TTLL4: variants seen among roughly 807,000 people sequenced by gnomAD.
TTLL4 encodes tubulin tyrosine ligase like 4.
TTLL4 carries 85 observed loss-of-function variants against 122.7 expected under a neutral mutation model. That is an observed-to-expected ratio of 0.69 (90% CI 0.58 to 0.83). The LOEUF is 0.83. Among genes scored for constraint, TTLL4 ranks in the 40% least tolerant of loss-of-function variants. The pLI is 0.00. For synonymous variants in TTLL4, 553 were observed against 563.0 expected, an observed-to-expected ratio of 0.98 and a Z score of 0.25; for missense variants, 1,363 against 1,488.6, an observed-to-expected ratio of 0.92 and a Z score of 1.39.
At position 218,752,800 on chromosome 2, in the gene TTLL4, A is replaced by G. The variant is rs116116034; in HGVS notation, c.3014A>G (p.Asp1005Gly). 7,644 of 1,614,092 alleles carry G rather than the reference A, an allele frequency of 4.7e-3. 45 individuals carry two copies. The highest frequency in any genetic ancestry group is 4.8e-3 in the Non-Finnish European group (5,659 of 1,180,024). Residue 1005 changes from aspartate to glycine, a missense_variant, in exon 17 of 20, where the codon GAT becomes GGT. By Grantham distance (94) the Asp-to-Gly change is moderately conservative. This residue lies in a region of TTLL4 where 596 missense variants were observed against 655.8 expected (regional missense o/e 0.91). Transcript: ENST00000392102. ...TCTGTGCTGGATGTCCTGACACCAG[A>G]TGATGTTCGGATTCTGGTTGAGATG... ...YASVLDVLTPDDVRILVEMED... is the reference protein window; with the variant it reads ...YASVLDVLTPGDVRILVEMED...
intron 4 of TTLL4, 74 bp from the exon 5 acceptor site, chr2:218,740,447 A>G: frequency 6.7e-7 from 1 of 1,483,264 alleles, no homozygotes; most frequent in Non-Finnish European, 9.4e-7. Flanking sequence ...TATTCAAGGA[A>G]GAGTTGCCTA....
In TTLL4 at chr2:218,754,333, T is replaced by C; in HGVS notation, c.3544T>C (p.Ser1182Pro). 6.2e-7 allele frequency: 1 copy of C among 1,614,178 alleles called. No individual in the cohort carries two copies. Among genetic ancestry groups the C allele is most frequent in the African/African-American group, 1.3e-5 (1 of 75,024 alleles). ...GTGCTCTGGGCAGACTTCAAGACTT[T>C]CTGCTTCCTCCACTTTCCAGTCAAT... Reference protein sequence around the residue: ...IKCSGQTSRLSASSTFQSISD... With the variant: ...IKCSGQTSRLPASSTFQSISD... The change falls in exon 20 of 20, where the codon TCT becomes CCT. Residue 1182 changes from serine to proline, a missense_variant. By Grantham distance (74) the Ser-to-Pro change is moderately conservative. Transcript: ENST00000392102.
chr2:218,723,292 T>C (rs1942097412), intron 1 of TTLL4, among the ~76,000 whole-genome samples: 2 of 152,236 alleles, frequency 1.3e-5, no homozygotes, highest in Non-Finnish European at 2.9e-5. Flanking sequence ...AGCTGGGTGC[T>C]GACAGCAACT....
intron 16 of TTLL4, 44 bp downstream of exon 16, chr2:218,751,850 T>C: frequency 1.3e-6 from 2 of 1,489,812 alleles, no homozygotes; most frequent in Middle Eastern, 1.8e-4. Context: ...AAAACTTCCC[T>C]GGTCAAACAT....
rs572723561 is a variant in TTLL4, at chr2:218,738,444, G to C, written c.768G>C (p.Gly256=). ...KIQPVSWHHS[G]GTGDCAPQPV... is the part of the protein sequence containing the mutation. ...AGCCTGTCTCCTGGCATCATTCAGGGGGTACTGGAGACTGTGCACCGCAGC... is the reference window on the plus strand; with the variant it reads ...AGCCTGTCTCCTGGCATCATTCAGGCGGTACTGGAGACTGTGCACCGCAGC... Residue 256 remains glycine, a synonymous_variant, in exon 3 of 20, where the codon GGG becomes GGC. Coordinates refer to ENST00000392102, the MANE Select transcript of TTLL4 (RefSeq NM_014640.5). 6.2e-7 allele frequency: 1 copy of C among 1,614,070 alleles called. No individual in the cohort carries two copies. The highest frequency in any genetic ancestry group is 1.3e-5 in the African/African-American group (1 of 74,924).
chr2:218,711,840 A>G (rs1941715520), intron 1 of TTLL4, among the ~76,000 whole-genome samples: 1 of 100,058 alleles, frequency 1.0e-5, no homozygotes, highest in Non-Finnish European at 2.6e-5. Flanking sequence ...TCCTTCCTTG[A>G]TGAAATCTTC....
chr2:218,725,190 G>A (rs1017833077), intron 1 of TTLL4, among the ~76,000 whole-genome samples: 4 of 151,720 alleles, frequency 2.6e-5, no homozygotes, highest in Non-Finnish European at 4.4e-5. Context: ...GAGCCACTGC[G>A]CCCACCCTAG....
In TTLL4 at chr2:218,722,602, A is replaced by T. The variant is rs923298730; in HGVS notation, c.-177-4667A>T. On this transcript the variant is annotated intron_variant, in intron 1 of 19. Transcript: ENST00000392102. ...AGATCCAGAGGTGGGAACGTTCCTC[A>T]TGAGAGGAAGAGTGGCTCTGGATAA... is the stretch of plus-strand genomic sequence containing the variant. 1.2e-4 allele frequency among the ~76,000 whole-genome samples: 18 copies of T among 152,350 alleles called. 1 individual carries two copies. The highest frequency in any genetic ancestry group is 4.3e-4 in the African/African-American group (18 of 41,578).
intron 2 of TTLL4, among the ~76,000 whole-genome samples, chr2:218,730,906 C>A (rs116288064): frequency 0.02 from 3,031 of 152,120 alleles, 51 homozygotes; most frequent in Non-Finnish European, 0.027. Flanking sequence ...GAGTTTGAGA[C>A]CAGCCTGGGC....
intron 1 of TTLL4, among the ~76,000 whole-genome samples, chr2:218,718,720 C>T (rs538315211): frequency 1.3e-5 from 2 of 152,334 alleles, no homozygotes; most frequent in African/African-American, 4.8e-5. Context: ...ATTCACACTC[C>T]TTTAAGGAGG....
Position 218,740,110 on chromosome 2 carries a change from G to T in TTLL4, c.1540G>T (p.Glu514Ter). Residue 514 changes from glutamate (E) to a stop codon, truncating the protein, a stop_gained, in exon 4 of 20, where the codon GAA becomes TAA. Transcript: ENST00000392102. LOFTEE classifies it high-confidence loss of function. ...DQAETEDTEE[E>*]LVDGLEDCCS... ...GGCTGAGACTGAAGATACAGAAGAA[G>T]AACTAGTAGATGGTTTGGAAGACTG... 1.9e-6 allele frequency: 3 copies of T among 1,614,212 alleles called. No individual in the cohort carries two copies. Among genetic ancestry groups the T allele is most frequent in the Non-Finnish European group, 2.5e-6 (3 of 1,180,038 alleles).
intron 1 of TTLL4, among the ~76,000 whole-genome samples, chr2:218,725,615 GC>G (rs1348646910): frequency 1.3e-5 from 2 of 151,908 alleles, no homozygotes; most frequent in Non-Finnish European, 2.9e-5. Context: ...GGGTGTAGTG[GC>G]GTGATCTCGG....
intron 2 of TTLL4, among the ~76,000 whole-genome samples, chr2:218,734,623 T>C (rs1942465730): frequency 6.6e-6 from 1 of 152,136 alleles, no homozygotes; most frequent in African/African-American, 2.4e-5. Context: ...AGAGCTGAGC[T>C]AGCATGATGC....
At position 218,751,955 on chromosome 2, in the gene TTLL4, T is replaced by A; in HGVS notation, c.2976+149T>A. 8.4e-6 allele frequency: 4 copies of A among 477,280 alleles called. 1 individual carries two copies. In the South Asian group the frequency reaches 9.8e-5, roughly 12 times the overall value. The allele number at this position is 477,280 out of a possible 1,614,324, so 29.6% of individuals were successfully genotyped here. On this transcript the variant is annotated intron_variant, in intron 16 of 19. Coordinates refer to ENST00000392102, the MANE Select transcript of TTLL4 (RefSeq NM_014640.5). ...AGAGTTTCACTCTTGTTGCCCAGGCTGGAGTGCAATGGTGCGATCTCAGCT... is the reference window on the plus strand; with the variant it reads ...AGAGTTTCACTCTTGTTGCCCAGGCAGGAGTGCAATGGTGCGATCTCAGCT...
At chr2:218,731,158 C>T (rs1942370792) in intron 2 of TTLL4, among the ~76,000 whole-genome samples, 1 of 151,686 alleles carries the variant, frequency 6.6e-6, no homozygotes, top group Non-Finnish European at 1.5e-5. Context: ...CACCTGTAAT[C>T]CCAGCACTTT....
intron 8 of TTLL4, chr2:218,746,463 G>C: frequency 3.6e-6 from 2 of 555,384 alleles, no homozygotes. Context: ...GTAGGGGGCA[G>C]CTGAGTCCCT....
intron 1 of TTLL4, among the ~76,000 whole-genome samples, chr2:218,716,915 C>T (rs1378370876): frequency 5.9e-5 from 9 of 152,170 alleles, no homozygotes. Flanking sequence ...GCTAAGTCAC[C>T]AGCAGTTTTA....
At chr2:218,739,949 AT>A in intron 3 of TTLL4, 108 bp from the exon 4 acceptor site, 1 of 979,628 alleles carries the variant, frequency 1.0e-6, no homozygotes, top group Non-Finnish European at 1.6e-6. Context: ...GAAGTAGCAG[AT>A]TGGTAATGGA....
chr2:218,747,636 T>G lies in TTLL4; in HGVS notation c.2289T>G (p.Phe763Leu). 1 of 1,614,232 alleles carries G rather than the reference T, an allele frequency of 6.2e-7. No individual in the cohort carries two copies. Among genetic ancestry groups the G allele is most frequent in the Non-Finnish European group, 8.5e-7 (1 of 1,180,042 alleles). The part of the protein sequence containing the change: ...HKPYLISGSK[F>L]DLRIYVYVTS... Reference sequence around the variant, plus strand: ...CCTACCTCATCAGCGGCAGCAAGTTTGACCTGCGGATCTATGTTTATGTCA... The same window carrying G: ...CCTACCTCATCAGCGGCAGCAAGTTGGACCTGCGGATCTATGTTTATGTCA... The change falls in exon 11 of 20, where the codon TTT becomes TTG. Residue 763 changes from phenylalanine (F) to leucine (L), a missense_variant. Transcript: ENST00000392102. This position sits in a 1 kb window ranked among gnomAD's most constrained non-coding sequence, Gnocchi z 4.7.
Sources: gnomAD v4.1 joint callset for allele counts (sites outside exome capture counted in the v4.1 genomes callset) on GRCh38, gnomAD v4.1.1 for gene constraint, gnomAD v4.1.1 regional missense constraint, Gnocchi (gnomAD v3.1) non-coding constraint, MANE v1.5 for transcripts, NCBI Gene and HGNC (gene_info 2026-07-23, HGNC 2026-07-21) for gene names.